LRRC7: variants seen among roughly 807,000 people sequenced by gnomAD.
The protein encoded by LRRC7 is leucine-rich repeat-containing protein 7.
A neutral mutation model predicts 175.7 loss-of-function variants in LRRC7; 23 were observed. The ratio of observed to expected loss-of-function variants is 0.13; its 90% CI spans 0.09 to 0.19. LRRC7 has a LOEUF of 0.19. LRRC7 is among the 10% of genes least tolerant of loss of function. The probability of loss-of-function intolerance (pLI) is 1.00; values close to 1 mark genes in which losing one functional copy is unlikely to be tolerated. For missense variants in LRRC7, 1,354 were observed against 1,904.7 expected (o/e 0.71, Z 5.38); for synonymous variants, 685 against 680.9 (o/e 1.01, Z -0.09).
At chr1:70,024,257 C>A (rs1348922341) in intron 17 of LRRC7, among the ~76,000 whole-genome samples, 1 of 151,280 alleles carries the variant, frequency 6.6e-6, no homozygotes, top group African/African-American at 2.4e-5. Flanking sequence ...ACAATCAAAT[C>A]AAATTAGAAT....
At position 70,144,281 on chromosome 1, in the gene LRRC7, A is replaced by G. The variant is rs886352668; in HGVS notation, c.*22394A>G. 4 of 152,168 alleles carry G rather than the reference A, an allele frequency of 2.6e-5. No homozygotes were observed. Among genetic ancestry groups the G allele is most frequent in the Non-Finnish European group, 4.4e-5 (3 of 68,026 alleles). 9.4% of individuals were successfully genotyped at this position (152,168 alleles called of 1,614,324 possible). Reference sequence around the variant, plus strand: ...CCATTTTTCGGCTTTGGTGTACTCAACTTTTTCAGTATTTAAAAAAGTGTT... The same window carrying G: ...CCATTTTTCGGCTTTGGTGTACTCAGCTTTTTCAGTATTTAAAAAAGTGTT... On this transcript the variant is annotated 3_prime_UTR_variant, in exon 27 of 27. Transcript: ENST00000651989.
chr1:69,612,466 T>C (rs968709183), intron 1 of LRRC7, among the ~76,000 whole-genome samples: 1 of 152,042 alleles, frequency 6.6e-6, no homozygotes, highest in East Asian at 1.9e-4. Context: ...GTTTTATTAC[T>C]AGAAAGTGGC....
intron 18 of LRRC7, among the ~76,000 whole-genome samples, chr1:70,032,123 G>A (rs924354377): frequency 1.4e-4 from 21 of 152,228 alleles, no homozygotes; most frequent in East Asian, 1.2e-3. Flanking sequence ...AAGAATGTGC[G>A]ATCTAATGTT....
chr1:69,589,108 TA>T (rs1646522258), intron 1 of LRRC7, among the ~76,000 whole-genome samples: 2 of 137,378 alleles, frequency 1.5e-5, no homozygotes, highest in African/African-American at 5.8e-5. Context: ...TACCACTTCA[TA>T]AAAAGGGTGT....
At chr1:69,773,836 A>G (rs1202509162) in intron 3 of LRRC7, among the ~76,000 whole-genome samples, 1 of 152,224 alleles carries the variant, frequency 6.6e-6, no homozygotes, top group Non-Finnish European at 1.5e-5. Context: ...CAACGAGGTT[A>G]AAGAATGTAC....
At chr1:70,031,467 C>A (rs984107568) in intron 18 of LRRC7, among the ~76,000 whole-genome samples, 2 of 152,092 alleles carry the variant, frequency 1.3e-5, no homozygotes, top group Non-Finnish European at 2.9e-5. Context: ...TTATGGTGAT[C>A]CTAGACCAAA....
At chr1:69,650,397 G>A (rs938185650) in intron 1 of LRRC7, among the ~76,000 whole-genome samples, 2 of 151,620 alleles carry the variant, frequency 1.3e-5, no homozygotes, top group African/African-American at 4.8e-5. Context: ...AAAATTAGCC[G>A]GGCGTGGTGG....
Position 70,036,308 on chromosome 1 carries a change from T to A in LRRC7, c.2107+76T>A, listed in dbSNP as rs1659303549. Reference sequence around the variant, plus strand: ...ATGAATCGCCAGTTGTAAATTATGATACACCATATTCTATACAAATGTTTT... The same window carrying A: ...ATGAATCGCCAGTTGTAAATTATGAAACACCATATTCTATACAAATGTTTT... On this transcript the variant is annotated intron_variant, in intron 19 of 26. Coordinates refer to ENST00000651989, the MANE Select transcript of LRRC7 (RefSeq NM_001370785.2). 5 of 1,406,856 alleles carry A rather than the reference T, an allele frequency of 3.6e-6. No individual in the cohort carries two copies. In the South Asian group the frequency reaches 6.2e-5, roughly 18 times the overall value. The allele number at this position is 1,406,856 out of a possible 1,614,324, so 87.1% of individuals were successfully genotyped here.
chr1:70,052,875 GT>G, intron 22 of LRRC7, 150 bp from the exon 23 acceptor site: 3 of 640,292 alleles, frequency 4.7e-6, no homozygotes, highest in Non-Finnish European at 7.1e-6. Context: ...TTCTTACCCA[GT>G]AAATAGTATA....
At chr1:69,577,300 G>A (rs74777369) in intron 1 of LRRC7, among the ~76,000 whole-genome samples, 9,959 of 152,184 alleles carry the variant, frequency 0.065, 554 homozygotes, top group African/African-American at 0.15. Context: ...GAATTTCTTT[G>A]TATAATCATG....
chr1:69,620,237 T>C (rs764583090), intron 1 of LRRC7, among the ~76,000 whole-genome samples: 1 of 147,206 alleles, frequency 6.8e-6, no homozygotes, highest in Non-Finnish European at 1.5e-5. Context: ...AATTAACATT[T>C]AATGACTTTA....
chr1:69,629,199 C>CA (rs2100364512), intron 1 of LRRC7, among the ~76,000 whole-genome samples: 1 of 151,822 alleles, frequency 6.6e-6, no homozygotes, highest in East Asian at 1.9e-4. Flanking sequence ...AAAATATTGG[C>CA]AAAAAACATA....
At chr1:70,119,429 AT>A (rs2102240644) in intron 26 of LRRC7, among the ~76,000 whole-genome samples, 1 of 151,820 alleles carries the variant, frequency 6.6e-6, no homozygotes, top group African/African-American at 2.4e-5. Context: ...CTACTTTTTG[AT>A]TGGAGCCTTC....
chr1:69,625,759 G>A (rs559767923), intron 1 of LRRC7, among the ~76,000 whole-genome samples: 9 of 151,920 alleles, frequency 5.9e-5, no homozygotes, highest in Non-Finnish European at 8.8e-5. Context: ...TCTTTGATCC[G>A]GGGGCTGTTT....
At chr1:69,928,619 G>A (rs1647171408) in intron 7 of LRRC7, among the ~76,000 whole-genome samples, 2 of 152,240 alleles carry the variant, frequency 1.3e-5, no homozygotes, top group Admixed American at 1.3e-4. Context: ...GCCATGTGCG[G>A]GATGTAATCT....
intron 8 of LRRC7, among the ~76,000 whole-genome samples, chr1:69,950,370 A>G (rs1488738522): frequency 1.3e-5 from 2 of 152,138 alleles, no homozygotes; most frequent in Non-Finnish European, 2.9e-5. Context: ...AGGAGTGATG[A>G]CAGAAGACAA....
chr1:69,752,787 G>A (rs1418653423), intron 2 of LRRC7, among the ~76,000 whole-genome samples: 1 of 152,036 alleles, frequency 6.6e-6, no homozygotes, highest in Non-Finnish European at 1.5e-5. Flanking sequence ...AGAGAGAAGG[G>A]AATCCATGCA....
At position 70,143,873 on chromosome 1, in the gene LRRC7, CTAT is replaced by C. The variant is rs1667190879; in HGVS notation, c.*21987_*21989del. ...ATTTTTGTATGTGTTAAAAAGACTA[CTAT>C]ATCACAATTAAAAGTACTTTTTAGT... On this transcript the variant is annotated 3_prime_UTR_variant, in exon 27 of 27. Transcript: ENST00000651989. 1 of 151,928 alleles carries C rather than the reference CTAT, an allele frequency of 6.6e-6. No homozygotes were observed. The highest frequency in any genetic ancestry group is 2.1e-4 in the South Asian group (1 of 4,822). The allele number at this position is 151,928 out of a possible 1,614,324, so 9.4% of individuals were successfully genotyped here. A position where few individuals can be genotyped will look rare whatever the true frequency, so the allele number is the denominator to read the frequency against.
chr1:70,011,666 G>A, intron 11 of LRRC7, 131 bp from the exon 12 acceptor site: 3 of 580,878 alleles, frequency 5.2e-6, no homozygotes, highest in Non-Finnish European at 3.0e-6. Flanking sequence ...ATTTGAACTG[G>A]TAAATTATAT....
Sources: allele counts gnomAD v4.1 joint callset (sites outside exome capture counted in the v4.1 genomes callset), GRCh38; gene constraint gnomAD v4.1.1; transcripts MANE v1.5; gene names NCBI Gene and HGNC (gene_info 2026-07-23, HGNC 2026-07-21).